The following ZFHX3 variants were observed in gnomAD, a reference collection of about 807,000 sequenced individuals.
ZFHX3 encodes zinc finger homeobox 3.
A neutral mutation model predicts 279.1 loss-of-function variants in ZFHX3; 42 were observed. That is an observed-to-expected ratio of 0.15 (90% CI 0.12 to 0.19). The LOEUF is 0.19. ZFHX3 is among the 10% of genes least tolerant of loss of function. The pLI, the probability that ZFHX3 is intolerant of heterozygous loss-of-function variation, is 1.00. For synonymous variants in ZFHX3, 2,293 were observed against 1,957.8 expected, an observed-to-expected ratio of 1.17 and a Z score of -4.52; for missense variants, 4,981 against 4,754.0, an observed-to-expected ratio of 1.05 and a Z score of -1.40.
chr16:73,511,583 G>GA (rs749833927), intron 2 of ZFHX3, among the ~76,000 whole-genome samples: 36 of 152,212 alleles, frequency 2.4e-4, no homozygotes, highest in Admixed American at 9.2e-4. Flanking sequence ...TGAAAACCTT[G>GA]AAAAAATGAT....
At chr16:73,128,707 G>A (rs1405745530) in intron 7 of ZFHX3, among the ~76,000 whole-genome samples, 1 of 152,108 alleles carries the variant, frequency 6.6e-6, no homozygotes, top group Non-Finnish European at 1.5e-5. Context: ...TCTCTTACAA[G>A]CCTCTGTAGA....
intron 3 of ZFHX3, among the ~76,000 whole-genome samples, chr16:73,397,271 G>A (rs772848688): frequency 2.0e-5 from 3 of 152,170 alleles, no homozygotes; most frequent in Non-Finnish European, 2.9e-5. Flanking sequence ...AGATCTGGGC[G>A]CTCAGGCAGA....
chr16:72,889,129 G>T (rs145548074), intron 4 of ZFHX3, among the ~76,000 whole-genome samples: 91 of 152,220 alleles, frequency 6.0e-4, no homozygotes, highest in African/African-American at 2.1e-3. Flanking sequence ...AACGAGGCAA[G>T]CTCCCACTAG....
At chr16:72,877,904 C>T (rs150610528) in intron 4 of ZFHX3, among the ~76,000 whole-genome samples, 1 of 152,160 alleles carries the variant, frequency 6.6e-6, no homozygotes. Flanking sequence ...GCAACTCACA[C>T]CTGAATTATA....
At chr16:73,188,030 T>A (rs1185477727) in intron 5 of ZFHX3, among the ~76,000 whole-genome samples, 3 of 151,976 alleles carry the variant, frequency 2.0e-5, no homozygotes, top group East Asian at 1.9e-4. Context: ...CCTGGCTAAT[T>A]TTTTGTATTT....
intron 4 of ZFHX3, among the ~76,000 whole-genome samples, chr16:72,882,240 G>A (rs543018739): frequency 4.2e-5 from 6 of 142,306 alleles, no homozygotes; most frequent in African/African-American, 1.6e-4. Flanking sequence ...CAGTATCAAT[G>A]CTTCTCCCAG....
intron 1 of ZFHX3, among the ~76,000 whole-genome samples, chr16:73,890,370 T>A (rs995394064): frequency 6.6e-6 from 1 of 152,140 alleles, no homozygotes; most frequent in Non-Finnish European, 1.5e-5. Flanking sequence ...CCATTTTTAC[T>A]CCTGCATTCA....
chr16:73,006,391 C>T (rs773603524), intron 1 of ZFHX3, among the ~76,000 whole-genome samples: 13 of 151,910 alleles, frequency 8.6e-5, no homozygotes, highest in African/African-American at 2.4e-4. Flanking sequence ...GGGAGGCCAA[C>T]GCAGGAGGAT....
chr16:73,055,467 C>G (rs1965527410), intron 1 of ZFHX3, among the ~76,000 whole-genome samples: 1 of 152,154 alleles, frequency 6.6e-6, no homozygotes, highest in African/African-American at 2.4e-5. Context: ...GTTTTGGCCT[C>G]TGAGCAGCTG....
At chr16:73,877,933 T>C (rs1046918288) in intron 1 of ZFHX3, among the ~76,000 whole-genome samples, 1 of 152,004 alleles carries the variant, frequency 6.6e-6, no homozygotes, top group Non-Finnish European at 1.5e-5. Context: ...GGTTAACATA[T>C]CCAATCTCTT....
chr16:73,682,924 G>GAAAGAGAA (rs766109523), intron 1 of ZFHX3, among the ~76,000 whole-genome samples: 11 of 43,486 alleles, frequency 2.5e-4, no homozygotes, highest in African/African-American at 8.3e-4. Flanking sequence ...AAGAGAGAAA[G>GAAAGAGAA]AGAAAGAAAG....
intron 2 of ZFHX3, among the ~76,000 whole-genome samples, chr16:73,634,836 T>A (rs969650305): frequency 1.3e-5 from 2 of 152,178 alleles, no homozygotes; most frequent in African/African-American, 4.8e-5. Context: ...ATCTTGAAAT[T>A]TTATTCCAGG....
At chr16:72,868,805 C>T (rs563710558) in intron 4 of ZFHX3, among the ~76,000 whole-genome samples, 1 of 152,214 alleles carries the variant, frequency 6.6e-6, no homozygotes, top group African/African-American at 2.4e-5. Flanking sequence ...GGCTCAGTAG[C>T]CCTCTGTTCA....
chr16:73,231,412 G>A (rs1236991124), intron 5 of ZFHX3, among the ~76,000 whole-genome samples: 1 of 152,210 alleles, frequency 6.6e-6, no homozygotes, highest in Non-Finnish European at 1.5e-5. Context: ...TAGGGCAAGT[G>A]AGGGAAAAAG....
intron 3 of ZFHX3, among the ~76,000 whole-genome samples, chr16:73,346,373 C>T (rs1343874600): frequency 6.6e-6 from 1 of 152,186 alleles, no homozygotes; most frequent in Non-Finnish European, 1.5e-5. Context: ...TTTGTCTGGG[C>T]AGGCAGCATC....
intron 4 of ZFHX3, among the ~76,000 whole-genome samples, chr16:73,287,885 C>T (rs1000050624): frequency 6.7e-5 from 9 of 134,346 alleles, no homozygotes; most frequent in Non-Finnish European, 9.5e-5. Context: ...GGTTGGTGTA[C>T]GGCTGTGTGG....
At chr16:73,296,877 ATT>A (rs201366558) in intron 4 of ZFHX3, among the ~76,000 whole-genome samples, 15 of 116,064 alleles carry the variant, frequency 1.3e-4, no homozygotes, top group South Asian at 2.8e-4. Context: ...TGAAGCAGGA[ATT>A]TTTTTTTTTT....
intron 2 of ZFHX3, among the ~76,000 whole-genome samples, chr16:73,480,417 T>C (rs935074391): frequency 5.9e-5 from 9 of 152,338 alleles, no homozygotes; most frequent in Non-Finnish European, 1.3e-4. Flanking sequence ...ATGAACCTTG[T>C]TTCCAGTTTT....
intron 2 of ZFHX3, among the ~76,000 whole-genome samples, chr16:73,494,112 C>A (rs2019097416): frequency 6.6e-6 from 1 of 152,136 alleles, no homozygotes; most frequent in African/African-American, 2.4e-5. Flanking sequence ...CCGGTAGGTG[C>A]AGTTGGCACG....
Sources: gnomAD v4.1 joint callset for allele counts (sites outside exome capture counted in the v4.1 genomes callset) on GRCh38, gnomAD v4.1.1 for gene constraint, MANE v1.5 for transcripts, NCBI Gene and HGNC (gene_info 2026-07-23, HGNC 2026-07-21) for gene names.